Variants in TRHDE observed in about 807,000 individuals in gnomAD.
The protein encoded by TRHDE is thyrotropin-releasing hormone-degrading ectoenzyme.
A neutral mutation model predicts 125.7 loss-of-function variants in TRHDE; 72 were observed. The ratio of observed to expected loss-of-function variants is 0.57; its 90% CI spans 0.47 to 0.70. The LOEUF (loss-of-function observed/expected upper bound fraction) is 0.70, where lower values mean the gene tolerates loss of function less well. TRHDE is among the 30% of genes least tolerant of loss of function. The pLI is 0.00. For missense variants in TRHDE, 1,110 were observed against 1,327.1 expected, an observed-to-expected ratio of 0.84 and a Z score of 2.54; for synonymous variants, 509 against 509.1, an observed-to-expected ratio of 1.00 and a Z score of 0.00.
chr12:72,624,084 C>A (rs559753792), intron 15 of TRHDE, among the ~76,000 whole-genome samples: 1 of 151,938 alleles, frequency 6.6e-6, no homozygotes, highest in Non-Finnish European at 1.5e-5. Flanking sequence ...AAACACAAGT[C>A]ACCTCCTGCA....
In TRHDE at chr12:72,093,627, C is replaced by T. The variant is rs570230106; in HGVS notation, n.174+6188C>T. ...TATTCAAGCTCTTTATTAAATTTTT[C>T]ACTTCTGTCGTTGTGTTCTTCAGCT... On this transcript the variant is annotated intron_variant and non_coding_transcript_variant, in intron 1 of 4. Coordinates refer to the TRHDE transcript ENST00000548156. 6.0e-4 allele frequency among the ~76,000 whole-genome samples: 92 copies of T among 152,106 alleles called. 1 individual carries two copies. The highest frequency in any genetic ancestry group is 2.1e-3 in the African/African-American group (89 of 41,534).
chr12:72,215,570 C>T (rs1877872229), intron 2 of TRHDE, among the ~76,000 whole-genome samples: 2 of 152,142 alleles, frequency 1.3e-5, no homozygotes, highest in Admixed American at 6.5e-5. Flanking sequence ...ACTGTTTGCT[C>T]ATCTTCAGCT....
intron 3 of TRHDE, among the ~76,000 whole-genome samples, chr12:72,404,695 C>T (rs1195516792): frequency 6.6e-6 from 1 of 152,146 alleles, no homozygotes; most frequent in African/African-American, 2.4e-5. Context: ...AAGACCTACC[C>T]TCATGATTCA....
In TRHDE at chr12:72,120,208, G is replaced by A. The variant is rs148152621; in HGVS notation, n.279+14456G>A. On this transcript the variant is annotated intron_variant and non_coding_transcript_variant, in intron 2 of 4. Coordinates refer to the TRHDE transcript ENST00000548156. ...TGGGATTACAGGTGCCCGCCATCAC[G>A]CCTGGTTAATTTTTGTATTTTTAGT... Among the ~76,000 whole-genome samples the A allele has an allele frequency of 9.9e-5, 15 of 151,846 alleles. No homozygotes were observed. In the East Asian group the frequency reaches 1.7e-3, roughly 18 times the overall value.
intron 2 of TRHDE, among the ~76,000 whole-genome samples, chr12:72,151,964 T>G (rs1006319647): frequency 0.013 from 2,018 of 151,850 alleles, 55 homozygotes; most frequent in African/African-American, 0.046. Flanking sequence ...GGGATGGCAT[T>G]GAATCTGTAA....
chr12:72,634,868 A>G (rs1211441452), intron 15 of TRHDE, among the ~76,000 whole-genome samples: 2 of 151,858 alleles, frequency 1.3e-5, no homozygotes, highest in Non-Finnish European at 2.9e-5. Context: ...TCCATGGTGT[A>G]TATGTGCCAC....
chr12:72,118,996 T>C (rs1478258402), intron 2 of TRHDE, among the ~76,000 whole-genome samples: 2 of 152,152 alleles, frequency 1.3e-5, no homozygotes, highest in African/African-American at 2.4e-5. Flanking sequence ...AACCAGCTTT[T>C]TGATGTGTTG....
intron 15 of TRHDE, among the ~76,000 whole-genome samples, chr12:72,638,142 T>A (rs1873851231): frequency 6.8e-6 from 1 of 146,770 alleles, no homozygotes. Context: ...GGAGTCTAAG[T>A]CTCTTTGTAG....
intron 12 of TRHDE, among the ~76,000 whole-genome samples, chr12:72,593,458 A>G (rs1420843832): frequency 2.6e-5 from 4 of 152,006 alleles, no homozygotes; most frequent in African/African-American, 4.8e-5. Context: ...ATTTATGCTC[A>G]TTGGGACAAT....
At position 72,282,592 on chromosome 12, in the gene TRHDE, A is replaced by G. The variant is rs114537760; in HGVS notation, c.915-4089A>G. ...ATCAAGGTTGAAAAAGATGTTACAG[A>G]TGGACTTGAAATACTGAGATCTGAT... On this transcript the variant is annotated intron_variant, in intron 1 of 18. Transcript: ENST00000261180. Among the ~76,000 whole-genome samples the G allele has an allele frequency of 4.9e-3, 747 of 152,314 alleles. 5 individuals are homozygous for G. The highest frequency in any genetic ancestry group is 0.016 in the African/African-American group (684 of 41,570).
intron 7 of TRHDE, among the ~76,000 whole-genome samples, chr12:72,561,888 C>T (rs566454102): frequency 1.3e-5 from 2 of 151,968 alleles, no homozygotes; most frequent in Non-Finnish European, 2.9e-5. Flanking sequence ...GGTTGACTTG[C>T]TCAATTAGAG....
At chr12:72,622,904 G>T (rs533929273) in intron 15 of TRHDE, among the ~76,000 whole-genome samples, 2 of 151,922 alleles carry the variant, frequency 1.3e-5, no homozygotes, top group South Asian at 4.2e-4. Context: ...AAGCTAAAAA[G>T]GAAAATATTT....
At chr12:72,619,176 T>G (rs1872945110) in intron 13 of TRHDE, 138 bp downstream of exon 13, 2 of 579,794 alleles carry the variant, frequency 3.4e-6, no homozygotes. Flanking sequence ...TTGTCCTGAT[T>G]GTCTATGCAA....
At chr12:72,342,428 G>C (rs569745866) in intron 2 of TRHDE, among the ~76,000 whole-genome samples, 1 of 152,160 alleles carries the variant, frequency 6.6e-6, no homozygotes, top group South Asian at 2.1e-4. Context: ...CCTGGTATTT[G>C]CTAAAAATTT....
chr12:72,518,567 A>G (rs1879004941), intron 6 of TRHDE, among the ~76,000 whole-genome samples: 1 of 152,136 alleles, frequency 6.6e-6, no homozygotes, highest in Admixed American at 6.5e-5. Context: ...TTTCCTGAAT[A>G]CAGCACACTG....
chr12:72,618,077 A>G (rs1462281155), intron 12 of TRHDE, among the ~76,000 whole-genome samples: 3 of 152,144 alleles, frequency 2.0e-5, no homozygotes, highest in Admixed American at 6.6e-5. Context: ...GTGGACTGTC[A>G]TTTATATTGC....
intron 2 of TRHDE, among the ~76,000 whole-genome samples, chr12:72,372,365 C>T (rs1871642840): frequency 6.6e-6 from 1 of 151,890 alleles, no homozygotes; most frequent in Admixed American, 6.6e-5. Context: ...ATGGTAGTTT[C>T]TTTTGTGTGC....
intron 2 of TRHDE, among the ~76,000 whole-genome samples, chr12:72,160,457 C>T (rs540982457): frequency 2.0e-5 from 3 of 152,134 alleles, no homozygotes; most frequent in South Asian, 4.1e-4. Context: ...GGCCAAGGCG[C>T]GTGGATCACC....
chr12:72,504,198 C>A (rs1445005149), intron 6 of TRHDE, among the ~76,000 whole-genome samples: 1 of 151,888 alleles, frequency 6.6e-6, no homozygotes, highest in East Asian at 1.9e-4. Flanking sequence ...AGTGGAACAT[C>A]AAAGAGTTAA....
Sources: gnomAD v4.1 joint callset for allele counts (sites outside exome capture counted in the v4.1 genomes callset) on GRCh38, gnomAD v4.1.1 for gene constraint, MANE v1.5 for transcripts, NCBI Gene and HGNC (gene_info 2026-07-23, HGNC 2026-07-21) for gene names.